MILR1: variants seen among roughly 807,000 people sequenced by gnomAD.
MILR1 encodes the protein allergin-1.
Under a neutral mutation model 18.5 loss-of-function variants are expected in MILR1, and 31 were observed. The observed-to-expected ratio is 1.68, with a 90% CI of 1.26 to 2.26. The LOEUF (loss-of-function observed/expected upper bound fraction) is 2.26, where lower values mean the gene tolerates loss of function less well. Among genes scored for constraint, MILR1 ranks in the 30% most tolerant of loss-of-function variants. The probability of loss-of-function intolerance (pLI) is 0.00; values close to 1 mark genes in which losing one functional copy is unlikely to be tolerated. For synonymous variants in MILR1, 85 were observed against 56.2 expected (o/e 1.51, Z -2.30); for missense variants, 257 against 157.4 (o/e 1.63, Z -3.38).
chr17:64,465,669 C>T, intron 6 of MILR1, 128 bp downstream of exon 6: 1 of 874,690 alleles, frequency 1.1e-6, no homozygotes, highest in Non-Finnish European at 1.8e-6. Flanking sequence ...TATTGATGCC[C>T]AGTCCCACTT....
At chr17:64,452,897 T>C (rs2037206381) in intron 3 of MILR1, 31 bp downstream of exon 3, 1 of 472,496 alleles carries the variant, frequency 2.1e-6, no homozygotes. Flanking sequence ...TTGGAGCCCC[T>C]ATAATTTATA....
chr17:64,453,072 CTTT>C (rs200977748), intron 3 of MILR1, among the ~76,000 whole-genome samples: 1 of 141,086 alleles, frequency 7.1e-6, no homozygotes, highest in African/African-American at 2.6e-5. Context: ...GATCTCTATT[CTTT>C]TTTTTTTTTT....
chr17:64,494,741 G>C, the MILR1 span, among the ~76,000 whole-genome samples: 1 of 152,044 alleles, frequency 6.6e-6, no homozygotes, highest in African/African-American at 2.4e-5. Flanking sequence ...CAGCATCTGT[G>C]ACCTTTTTAT....
the MILR1 span, chr17:64,492,935 G>A: frequency 6.8e-6 from 11 of 1,613,856 alleles, no homozygotes; most frequent in Non-Finnish European, 9.3e-6. Flanking sequence ...TCAAAAACAG[G>A]ATGAAAACAC....
the MILR1 span, among the ~76,000 whole-genome samples, chr17:64,484,538 CA>C: frequency 6.6e-6 from 1 of 152,112 alleles, no homozygotes; most frequent in Admixed American, 6.5e-5. Context: ...CACCTTTTAA[CA>C]GGGCCACTCT....
At chr17:64,475,808 C>CTTTTTT in the MILR1 span, among the ~76,000 whole-genome samples, 4 of 102,502 alleles carry the variant, frequency 3.9e-5, no homozygotes, top group Non-Finnish European at 5.3e-5. Flanking sequence ...CTACCACTTC[C>CTTTTTT]TTTTTTTTTT....
the MILR1 span, among the ~76,000 whole-genome samples, chr17:64,483,419 G>A: frequency 6.6e-6 from 1 of 151,926 alleles, no homozygotes; most frequent in Non-Finnish European, 1.5e-5. Context: ...GGCGGCTGAG[G>A]TGGGAAGAAT....
the MILR1 span, among the ~76,000 whole-genome samples, chr17:64,496,053 T>C: frequency 5.3e-5 from 8 of 152,350 alleles, no homozygotes; most frequent in African/African-American, 1.9e-4. Context: ...AGAATTATAA[T>C]TTCAACATTT....
chr17:64,495,779 G>A, the MILR1 span, among the ~76,000 whole-genome samples: 1 of 151,836 alleles, frequency 6.6e-6, no homozygotes, highest in South Asian at 2.1e-4. Flanking sequence ...CGTGATCTCG[G>A]CTCACTGCAA....
At chr17:64,492,592 G>A in the MILR1 span, 9 of 808,228 alleles carry the variant, frequency 1.1e-5, no homozygotes, top group Admixed American at 1.8e-4. Context: ...TTTCTTGTAT[G>A]TCAGAAGAAT....
At chr17:64,477,772 T>G in the MILR1 span, 2 of 1,496,894 alleles carry the variant, frequency 1.3e-6, no homozygotes, top group Non-Finnish European at 1.8e-6. Flanking sequence ...TAAGTGAACA[T>G]AAGACAACCA....
In MILR1 at chr17:64,465,527, T is replaced by C. The variant is rs368486226; in HGVS notation, c.839T>C (p.Leu280Pro). The C allele has an allele frequency of 5.0e-6, 8 of 1,607,994 alleles. No individual in the cohort carries two copies. The East Asian group carries it at 1.8e-4, about 36-fold the overall frequency. The change falls in exon 6 of 10, where the codon CTT becomes CCT. Residue 280 changes from leucine (L) to proline (P), a missense_variant. Leu to Pro is a moderately conservative substitution (Grantham distance 98, BLOSUM62 -3). Transcript: ENST00000619286. ...AMEVGIYANI[L>P]EKQAKEESVP... ...GAAGTTGGAATCTATGCAAATATCC[T>C]TGAAAAACAAGCAAGTAAGAGAACT... is the stretch of plus-strand genomic sequence containing the variant.
intron 8 of MILR1, among the ~76,000 whole-genome samples, chr17:64,466,993 G>C: frequency 6.7e-6 from 1 of 148,866 alleles, no homozygotes; most frequent in Non-Finnish European, 1.5e-5. Context: ...TTCTCTTTCT[G>C]TCTCTCTTTA....
intron 5 of MILR1, 135 bp from the exon 6 acceptor site, chr17:64,465,317 T>C (rs1054183340): frequency 4.3e-5 from 28 of 649,234 alleles, no homozygotes; most frequent in African/African-American, 4.2e-4. Flanking sequence ...TTTCCTTTGT[T>C]AGACAACAGT....
the MILR1 span, among the ~76,000 whole-genome samples, chr17:64,486,720 A>T: frequency 1.3e-3 from 198 of 152,318 alleles, no homozygotes; most frequent in African/African-American, 4.7e-3. Flanking sequence ...AAGAGGCCTT[A>T]GGGAAAAAAA....
the MILR1 span, chr17:64,496,401 G>A: frequency 1.3e-6 from 2 of 1,552,894 alleles, no homozygotes; most frequent in South Asian, 1.2e-5. Flanking sequence ...AAATCGTGAA[G>A]CATACCGTGA....
At chr17:64,485,840 G>A in the MILR1 span, 1 of 1,614,020 alleles carries the variant, frequency 6.2e-7, no homozygotes, top group Admixed American at 1.7e-5. Context: ...GAGAACACAA[G>A]GAACCACATT....
intron 8 of MILR1, among the ~76,000 whole-genome samples, chr17:64,467,099 C>T (rs1016886426): frequency 3.3e-5 from 4 of 120,344 alleles, no homozygotes; most frequent in Admixed American, 2.6e-4. Context: ...TCTTTCTTTT[C>T]TTTCTTTCCT....
the MILR1 span, among the ~76,000 whole-genome samples, chr17:64,486,045 T>A: frequency 6.6e-6 from 1 of 151,966 alleles, no homozygotes; most frequent in Non-Finnish European, 1.5e-5. Flanking sequence ...GCCTCCTGAG[T>A]ACATATTTTA....
Sources: allele counts gnomAD v4.1 joint callset (sites outside exome capture counted in the v4.1 genomes callset), GRCh38; gene constraint gnomAD v4.1.1; transcripts MANE v1.5; gene names NCBI Gene and HGNC (gene_info 2026-07-23, HGNC 2026-07-21).